The following ZNF385D variants were observed in gnomAD, a reference collection of about 807,000 sequenced individuals.
The protein encoded by ZNF385D is zinc finger protein 659.
ZNF385D carries 15 observed loss-of-function variants against 35.8 expected under a neutral mutation model. That is an observed-to-expected ratio of 0.42 (90% CI 0.28 to 0.64). The LOEUF (loss-of-function observed/expected upper bound fraction) is 0.64. ZNF385D is among the 30% of genes least tolerant of loss of function. The pLI is 0.23. For missense variants in ZNF385D, 474 were observed against 494.6 expected, an observed-to-expected ratio of 0.96 and a Z score of 0.39; for synonymous variants, 212 against 186.8, an observed-to-expected ratio of 1.13 and a Z score of -1.10.
At chr3:21,782,529 ATGTCATTTG>A (rs1293237806) in intron 3 of ZNF385D, among the ~76,000 whole-genome samples, 1 of 152,058 alleles carries the variant, frequency 6.6e-6, no homozygotes, top group East Asian at 1.9e-4. Flanking sequence ...TAGATAATTA[ATGTCATTTG>A]TGTCTCCTTT....
chr3:22,236,741 T>C (rs536591823), intron 2 of ZNF385D, among the ~76,000 whole-genome samples: 1 of 152,294 alleles, frequency 6.6e-6, no homozygotes, highest in East Asian at 1.9e-4. Flanking sequence ...CGGCAACTAG[T>C]AATCTACTTT....
chr3:22,326,026 C>T (rs2125452406), intron 2 of ZNF385D, among the ~76,000 whole-genome samples: 1 of 152,264 alleles, frequency 6.6e-6, no homozygotes, highest in Non-Finnish European at 1.5e-5. Context: ...CACTGGCTCT[C>T]TTCCCTCCTC....
upstream of ZNF385D, among the ~76,000 whole-genome samples, chr3:21,755,118 G>A (rs2070282366): frequency 6.6e-6 from 1 of 152,216 alleles, no homozygotes; most frequent in African/African-American, 2.4e-5. Context: ...CAGAGACTTA[G>A]ATTCAGCATG....
At position 21,986,387 on chromosome 3, in the gene ZNF385D, C is replaced by T. The variant is rs1272957459; in HGVS notation, c.325+182430G>A. Among the ~76,000 whole-genome samples, 16 of 107,496 alleles carry T rather than the reference C, an allele frequency of 1.5e-4. No homozygotes were observed. In the East Asian group the frequency reaches 3.1e-3, roughly 21 times the overall value. 70.5% of individuals were successfully genotyped at this position (107,496 alleles called of 152,430 possible). A position where few individuals can be genotyped will look rare whatever the true frequency, so the allele number is the denominator to read the frequency against. Reference sequence around the variant, plus strand: ...GTTGTGTCTTTGTTCTCGTTGGTTTCAAAGAACATCTTTATTTCTGCCTTC... The same window carrying T: ...GTTGTGTCTTTGTTCTCGTTGGTTTTAAAGAACATCTTTATTTCTGCCTTC... On this transcript the variant is annotated intron_variant, in intron 3 of 5. Transcript: ENST00000494108.
intron 3 of ZNF385D, among the ~76,000 whole-genome samples, chr3:21,829,303 G>A (rs1396391365): frequency 6.6e-6 from 1 of 152,166 alleles, no homozygotes; most frequent in Non-Finnish European, 1.5e-5. Flanking sequence ...AAAAGTCTCT[G>A]AGATATGAGA....
At chr3:21,905,308 G>A (rs1457804431) in intron 3 of ZNF385D, among the ~76,000 whole-genome samples, 1 of 150,544 alleles carries the variant, frequency 6.6e-6, no homozygotes, top group Admixed American at 6.6e-5. Flanking sequence ...CACTTTGTAT[G>A]CATAACTCAA....
intron 3 of ZNF385D, among the ~76,000 whole-genome samples, chr3:22,048,950 G>A (rs1246058765): frequency 3.3e-5 from 5 of 152,068 alleles, no homozygotes; most frequent in Non-Finnish European, 7.4e-5. Flanking sequence ...TTAGTCTACA[G>A]ACTATTTTCT....
At chr3:21,585,616 A>G (rs1432901680) in intron 2 of ZNF385D, among the ~76,000 whole-genome samples, 2 of 152,180 alleles carry the variant, frequency 1.3e-5, no homozygotes, top group African/African-American at 4.8e-5. Context: ...CACCTCCAGG[A>G]TAGTGATGTT....
chr3:21,751,353 G>C (rs2070074720), upstream of ZNF385D: 4 of 1,047,370 alleles, frequency 3.8e-6, no homozygotes, highest in Non-Finnish European at 4.6e-6. Context: ...GGAAGGGGCG[G>C]AGTGAGGGGC....
chr3:22,323,051 C>T (rs149371385), intron 2 of ZNF385D, among the ~76,000 whole-genome samples: 13 of 152,186 alleles, frequency 8.5e-5, no homozygotes, highest in African/African-American at 2.4e-4. Context: ...TCTCAACCCC[C>T]ACGGACAGGA....
chr3:21,809,749 C>A (rs1168429211), intron 3 of ZNF385D, among the ~76,000 whole-genome samples: 2 of 150,652 alleles, frequency 1.3e-5, no homozygotes, highest in African/African-American at 4.9e-5. Flanking sequence ...TACACACATA[C>A]TGAAAAATAC....
chr3:22,232,222 C>T (rs1180420487), intron 2 of ZNF385D, among the ~76,000 whole-genome samples: 1 of 152,074 alleles, frequency 6.6e-6, no homozygotes, highest in African/African-American at 2.4e-5. Context: ...ATCCCCCTAC[C>T]TTTCAAATGT....
At chr3:22,151,683 T>G (rs1367517987) in intron 3 of ZNF385D, among the ~76,000 whole-genome samples, 1 of 152,058 alleles carries the variant, frequency 6.6e-6, no homozygotes, top group Non-Finnish European at 1.5e-5. Flanking sequence ...TAAAACGTGT[T>G]TTACTCAAAG....
chr3:21,813,205 T>C (rs1005354123), intron 3 of ZNF385D, among the ~76,000 whole-genome samples: 7 of 151,796 alleles, frequency 4.6e-5, no homozygotes, highest in Admixed American at 4.6e-4. Context: ...GTCACCATCA[T>C]CAGAGACCAA....
At chr3:21,871,798 G>A (rs907821586) in intron 3 of ZNF385D, among the ~76,000 whole-genome samples, 3 of 152,046 alleles carry the variant, frequency 2.0e-5, no homozygotes, top group Non-Finnish European at 4.4e-5. Context: ...CTGAGGTCAG[G>A]AGTTTGAGAC....
intron 3 of ZNF385D, among the ~76,000 whole-genome samples, chr3:22,106,772 A>T (rs1286394249): frequency 6.6e-6 from 1 of 152,174 alleles, no homozygotes; most frequent in Non-Finnish European, 1.5e-5. Context: ...CTGTAACTTG[A>T]TCTTCTACCT....
intron 3 of ZNF385D, among the ~76,000 whole-genome samples, chr3:21,897,849 T>C (rs1699212336): frequency 6.6e-6 from 1 of 152,150 alleles, no homozygotes; most frequent in Non-Finnish European, 1.5e-5. Context: ...TGGAGTCTTA[T>C]CTTAGTGTGT....
At chr3:21,810,002 G>C (rs1316880374) in intron 3 of ZNF385D, among the ~76,000 whole-genome samples, 1 of 152,048 alleles carries the variant, frequency 6.6e-6, no homozygotes, top group Non-Finnish European at 1.5e-5. Context: ...ATATCTTCCA[G>C]AAAATAGGAG....
intron 4 of ZNF385D, among the ~76,000 whole-genome samples, chr3:21,439,648 G>A (rs1701761578): frequency 2.6e-5 from 4 of 151,990 alleles, no homozygotes; most frequent in East Asian, 1.9e-4. Flanking sequence ...TATTTATAGT[G>A]CAATTTGTTA....
Sources: gnomAD v4.1 joint callset for allele counts (sites outside exome capture counted in the v4.1 genomes callset) on GRCh38, gnomAD v4.1.1 for gene constraint, MANE v1.5 for transcripts, NCBI Gene and HGNC (gene_info 2026-07-23, HGNC 2026-07-21) for gene names.